PBRM1: variants seen among roughly 807,000 people sequenced by gnomAD.
PBRM1 encodes protein polybromo-1.
PBRM1 carries 27 observed loss-of-function variants against 194.5 expected under a neutral mutation model. The observed-to-expected ratio is 0.14, with a 90% CI of 0.10 to 0.19. The LOEUF (loss-of-function observed/expected upper bound fraction) is 0.19. PBRM1 is among the 10% of genes least tolerant of loss of function. The pLI is 1.00. For synonymous variants in PBRM1, 655 were observed against 693.2 expected (o/e 0.94, Z 0.87); for missense variants, 1,466 against 2,077.2 (o/e 0.71, Z 5.72).
At position 52,628,902 on chromosome 3, in the gene PBRM1, C is replaced by T. The variant is rs745324755; in HGVS notation, c.1435G>A (p.Val479Ile). The T allele has an allele frequency of 6.8e-6, 11 of 1,613,664 alleles. No homozygotes were observed. Among genetic ancestry groups the T allele is most frequent in the Non-Finnish European group, 9.3e-6 (11 of 1,179,886 alleles). ...AAAACAATAAATCACACCTGCATAA[C>T]TTGCTGCAATTTTAGAACTCGCTTG... The change falls in exon 12 of 30, where the codon GTT becomes ATT. Residue 479 changes from valine to isoleucine, a missense_variant. By Grantham distance (29) the Val-to-Ile change is conservative. Coordinates refer to ENST00000296302, the Ensembl canonical transcript of PBRM1.
intron 11 of PBRM1, among the ~76,000 whole-genome samples, chr3:52,633,616 T>C (rs1307961730): frequency 6.6e-6 from 1 of 152,206 alleles, no homozygotes; most frequent in Non-Finnish European, 1.5e-5. Context: ...TATACCATTT[T>C]ACATTCCCAC....
rs2094986250 is a variant in PBRM1 at position 52,616,863 on chromosome 3, A to G, written c.1818+399T>C. ...GTAATGATGATGATGAAAGATTTTA[A>G]TACTATTGGCTTTCCTTTGAGTGCT... On this transcript the variant is annotated intron_variant, in intron 14 of 29. Coordinates refer to ENST00000296302, the Ensembl canonical transcript of PBRM1. Among the ~76,000 whole-genome samples the G allele has an allele frequency of 2.0e-5, 3 of 152,298 alleles. No homozygotes were observed. The East Asian group carries it at 5.8e-4, about 29-fold the overall frequency.
chr3:52,622,405 T>C (rs926697880), intron 13 of PBRM1, among the ~76,000 whole-genome samples: 1 of 152,188 alleles, frequency 6.6e-6, no homozygotes, highest in South Asian at 2.1e-4. Context: ...ATAGATACTG[T>C]TGTAGTAAGT....
intron 19 of PBRM1, 60 bp from the exon 22 acceptor site, chr3:52,586,748 C>CAAAAAAAAAAAA (rs35352950): frequency 2.3e-4 from 43 of 183,790 alleles, no homozygotes; most frequent in African/African-American, 4.1e-4. Flanking sequence ...GAAAATCAAT[C>CAAAAAAAAAAAA]AAAAAAAAAA....
chr3:52,663,350 A>C (rs2096764798), intron 3 of PBRM1, among the ~76,000 whole-genome samples: 2 of 152,216 alleles, frequency 1.3e-5, no homozygotes, highest in Non-Finnish European at 2.9e-5. Context: ...CAGTTTCTGT[A>C]CTGCCAGGGA....
intron 7 of PBRM1, among the ~76,000 whole-genome samples, chr3:52,647,023 T>C (rs2096312906): frequency 6.6e-6 from 1 of 151,714 alleles, no homozygotes; most frequent in Non-Finnish European, 1.5e-5. Context: ...GGGTATAATA[T>C]CCAGAACATA....
chr3:52,546,345 C>T (rs1419512423), downstream of PBRM1: 1 of 231,556 alleles, frequency 4.3e-6, no homozygotes, highest in Non-Finnish European at 8.6e-6. Context: ...ATCTGACTCA[C>T]TTTAACAATA....
At chr3:52,665,496 C>A (rs1300980944) in intron 3 of PBRM1, among the ~76,000 whole-genome samples, 1 of 152,204 alleles carries the variant, frequency 6.6e-6, no homozygotes, top group South Asian at 2.1e-4. Context: ...TCCCCAACCC[C>A]CAGCCCACGA....
intron 13 of PBRM1, among the ~76,000 whole-genome samples, chr3:52,617,978 A>G (rs2095055546): frequency 6.6e-6 from 1 of 152,230 alleles, no homozygotes; most frequent in Non-Finnish European, 1.5e-5. Flanking sequence ...AAACCTAAAA[A>G]GAGAAGTGTT....
At chr3:52,648,930 C>A (rs2289250) in intron 6 of PBRM1, among the ~76,000 whole-genome samples, 52,036 of 152,072 alleles carry the variant, frequency 0.34, 9,923 homozygotes, top group Admixed American at 0.46. Flanking sequence ...TTAAGGCTCA[C>A]TCAATCCAAA....
intron 2 of PBRM1, among the ~76,000 whole-genome samples, chr3:52,674,641 AAAATATATATAT>A (rs2097051095): frequency 1.3e-5 from 1 of 76,116 alleles, no homozygotes; most frequent in Admixed American, 1.6e-4. Context: ...AAAAAAAAAA[AAAATATATATAT>A]ATATATATAT....
rs555742672 is a variant in PBRM1, at chr3:52,581,398, A to C, written c.3388-2199T>G. The stretch of plus-strand genomic sequence containing the variant: ...GATGGTGCGCGCCTGTAGTCCCAGG[A>C]ACTTGGGAAACTGAGACACAAGAAT... On this transcript the variant is annotated intron_variant, in intron 20 of 29. Coordinates refer to ENST00000296302, the Ensembl canonical transcript of PBRM1. Among the ~76,000 whole-genome samples the C allele has an allele frequency of 3.9e-5, 6 of 151,988 alleles. No individual in the cohort carries two copies. In the South Asian group the frequency reaches 1.0e-3, roughly 26 times the overall value.
chr3:52,629,028 G>A (rs1453826094), exon 12 of PBRM1: 3 of 1,600,154 alleles, frequency 1.9e-6, no homozygotes, highest in South Asian at 2.2e-5. Flanking sequence ...TGATTCTTCA[G>A]TTTTGTTCTG....
At chr3:52,630,232 G>A (rs1252386853) in intron 11 of PBRM1, among the ~76,000 whole-genome samples, 18 of 151,118 alleles carry the variant, frequency 1.2e-4, no homozygotes, top group Admixed American at 1.2e-3. Flanking sequence ...AAAATAGGGG[G>A]GACAAATCCC....
intron 8 of PBRM1, among the ~76,000 whole-genome samples, chr3:52,643,885 T>C (rs746294338): frequency 4.6e-5 from 7 of 152,038 alleles, no homozygotes; most frequent in Admixed American, 1.3e-4. Context: ...GGCAAAAGAA[T>C]TGCTTGAACC....
intron 3 of PBRM1, among the ~76,000 whole-genome samples, chr3:52,667,999 A>AATG (rs1459661388): frequency 6.6e-6 from 1 of 152,224 alleles, no homozygotes; most frequent in Non-Finnish European, 1.5e-5. Flanking sequence ...AATAGTTCAT[A>AATG]ATCACATGAA....
intron 17 of PBRM1, among the ~76,000 whole-genome samples, chr3:52,600,782 G>A (rs1245872298): frequency 1.3e-5 from 2 of 152,126 alleles, no homozygotes; most frequent in African/African-American, 2.4e-5. Flanking sequence ...GGGATTACAG[G>A]CACGCGCCAC....
intron 20 of PBRM1, among the ~76,000 whole-genome samples, chr3:52,583,695 T>C (rs2091851832): frequency 6.6e-6 from 1 of 152,188 alleles, no homozygotes; most frequent in Non-Finnish European, 1.5e-5. Flanking sequence ...TTTTCAATCA[T>C]AAATCAATAA....
intron 16 of PBRM1, 103 bp from the exon 19 acceptor site, chr3:52,603,835 G>T: frequency 1.0e-6 from 1 of 996,834 alleles, no homozygotes; most frequent in Non-Finnish European, 1.5e-6. Flanking sequence ...TGATATAGTG[G>T]TATTTCTGTA....
Sources: allele counts gnomAD v4.1 joint callset (sites outside exome capture counted in the v4.1 genomes callset), GRCh38; gene constraint gnomAD v4.1.1; transcripts MANE v1.5; gene names NCBI Gene and HGNC (gene_info 2026-07-23, HGNC 2026-07-21).